The following ANO6 variants were observed in gnomAD, a reference collection of about 807,000 sequenced individuals.
ANO6 encodes the protein anoctamin-6.
Under a neutral mutation model 117.5 loss-of-function variants are expected in ANO6, and 106 were observed. The observed-to-expected ratio is 0.90, with a 90% CI of 0.77 to 1.06. ANO6 has a LOEUF of 1.06. Ranked by LOEUF, ANO6 falls within the 50% of genes least tolerant of loss-of-function variation. The pLI, the probability that ANO6 is intolerant of heterozygous loss-of-function variation, is 0.00. For missense variants in ANO6, 955 were observed against 1,121.1 expected (o/e 0.85, Z 2.12); for synonymous variants, 367 against 385.1 (o/e 0.95, Z 0.55).
At chr12:45,358,929 C>T (rs1179666887) in intron 8 of ANO6, among the ~76,000 whole-genome samples, 1 of 151,920 alleles carries the variant, frequency 6.6e-6, no homozygotes, top group Admixed American at 6.6e-5. Context: ...GGATTACAGG[C>T]TGCGCCACCA....
At position 45,432,068 on chromosome 12, in the gene ANO6, A is replaced by T; in HGVS notation, c.*2757A>T. 3 of 985,422 alleles carry T rather than the reference A, an allele frequency of 3.0e-6. No individual in the cohort carries two copies. Among genetic ancestry groups the T allele is most frequent in the Non-Finnish European group, 3.6e-6 (3 of 829,918 alleles). 61.0% of individuals were successfully genotyped at this position (985,422 alleles called of 1,614,324 possible). ...ATGTGTGCCTTGAATTTCATAAAAC[A>T]TTAATTCACAATGGGGGTCAGAATG... On this transcript the variant is annotated 3_prime_UTR_variant, in exon 20 of 20. Transcript: ENST00000320560.
chr12:45,343,333 C>T (rs1941034594), intron 3 of ANO6, among the ~76,000 whole-genome samples: 1 of 152,128 alleles, frequency 6.6e-6, no homozygotes. Context: ...AGCTAAAATT[C>T]TTGGGCCTGA....
intron 16 of ANO6, among the ~76,000 whole-genome samples, chr12:45,409,945 A>G (rs1458873314): frequency 6.6e-6 from 1 of 152,126 alleles, no homozygotes; most frequent in African/African-American, 2.4e-5. Context: ...TAGTACTGAC[A>G]GGGTTTCACC....
At chr12:45,351,457 G>T (rs745338242) in intron 7 of ANO6, among the ~76,000 whole-genome samples, 1 of 152,154 alleles carries the variant, frequency 6.6e-6, no homozygotes, top group East Asian at 1.9e-4. Flanking sequence ...ATTCTGGCTT[G>T]TGGGAGATAG....
intron 1 of ANO6, among the ~76,000 whole-genome samples, chr12:45,275,602 G>T (rs74600350): frequency 6.6e-6 from 1 of 152,182 alleles, no homozygotes; most frequent in Non-Finnish European, 1.5e-5. Context: ...GTTACGTATG[G>T]TGTCTTTTCC....
intron 1 of ANO6, among the ~76,000 whole-genome samples, chr12:45,258,115 T>C (rs1237565473): frequency 6.6e-6 from 1 of 152,212 alleles, no homozygotes; most frequent in Non-Finnish European, 1.5e-5. Context: ...TACATATTAA[T>C]CAGTCGTGTG....
At chr12:45,231,425 G>A (rs1947572611) in intron 1 of ANO6, among the ~76,000 whole-genome samples, 1 of 152,264 alleles carries the variant, frequency 6.6e-6, no homozygotes, top group South Asian at 2.1e-4. Flanking sequence ...GCCCTCTTCA[G>A]CATTATCAGA....
intron 2 of ANO6, among the ~76,000 whole-genome samples, chr12:45,317,107 T>TTATATGTGTGTGTGTGTGTATATATA (rs1555168436): frequency 8.0e-5 from 1 of 12,466 alleles, no homozygotes; most frequent in African/African-American, 8.9e-5. Flanking sequence ...TGGATTCTTT[T>TTATATGTGTGTGTGTGTGTATATATA]TATATGTATA....
At chr12:45,293,034 G>T in intron 1 of ANO6, 1 of 1,496,310 alleles carries the variant, frequency 6.7e-7, no homozygotes, top group Non-Finnish European at 9.0e-7. Flanking sequence ...AATATTTGAT[G>T]AGTATTTGGT....
intron 1 of ANO6, among the ~76,000 whole-genome samples, chr12:45,285,723 G>A (rs1311629029): frequency 4.8e-5 from 7 of 144,968 alleles, no homozygotes; most frequent in African/African-American, 1.0e-4. Flanking sequence ...ACAAGACTCC[G>A]TCTCAAAAAA....
At chr12:45,388,032 G>A in intron 10 of ANO6, 129 bp from the exon 11 acceptor site, 1 of 1,237,774 alleles carries the variant, frequency 8.1e-7, no homozygotes, top group Non-Finnish European at 1.2e-6. Flanking sequence ...GAATTACCCA[G>A]TCCAGGTAGT....
At chr12:45,255,010 A>C (rs1192071414) in intron 1 of ANO6, among the ~76,000 whole-genome samples, 1 of 152,208 alleles carries the variant, frequency 6.6e-6, no homozygotes, top group Admixed American at 6.5e-5. Context: ...CTTTCCATAT[A>C]TATCTCTTAC....
At chr12:45,438,243 TTGCGTGTATG>T (rs1317480844) in intron 19 of ANO6, among the ~76,000 whole-genome samples, 7 of 138,548 alleles carry the variant, frequency 5.1e-5, no homozygotes, top group Non-Finnish European at 9.5e-5. Flanking sequence ...CAGCACATAT[TTGCGTGTATG>T]TGTGTGTGTG....
intron 2 of ANO6, among the ~76,000 whole-genome samples, chr12:45,323,337 G>A (rs1384485157): frequency 1.3e-5 from 2 of 152,156 alleles, no homozygotes; most frequent in East Asian, 3.8e-4. Context: ...AAGCATGTTA[G>A]AAGCAGCAGG....
chr12:45,297,510 T>C (rs1330338050), intron 1 of ANO6, among the ~76,000 whole-genome samples: 1 of 152,192 alleles, frequency 6.6e-6, no homozygotes, highest in Non-Finnish European at 1.5e-5. Context: ...GGACAATGGA[T>C]GTTAGTTACT....
rs140477077 is a variant in ANO6, at chr12:45,308,805, C to G, written c.150+6712C>G. Among the ~76,000 whole-genome samples, 42 of 152,224 alleles carry G rather than the reference C, an allele frequency of 2.8e-4. No homozygotes were observed. The East Asian group carries it at 8.1e-3, about 29-fold the overall frequency. On this transcript the variant is annotated intron_variant, in intron 2 of 19. Coordinates refer to ENST00000320560, the MANE Select transcript of ANO6 (RefSeq NM_001025356.3). ...CCACACTGCCCTGCTGTGTGGCTTTCTCCAGCATCATTCAGACAGCAAGAA... is the reference window on the plus strand; with the variant it reads ...CCACACTGCCCTGCTGTGTGGCTTTGTCCAGCATCATTCAGACAGCAAGAA...
At chr12:45,306,838 G>T (rs915947536) in intron 2 of ANO6, among the ~76,000 whole-genome samples, 4 of 151,796 alleles carry the variant, frequency 2.6e-5, no homozygotes, top group African/African-American at 9.7e-5. Flanking sequence ...TATGTGTTGG[G>T]GGGGTGGTGA....
rs550556178 is a variant in ANO6, at chr12:45,228,231, A to G, written c.70+11840A>G. On this transcript the variant is annotated intron_variant, in intron 1 of 19. Coordinates refer to ENST00000320560, the MANE Select transcript of ANO6 (RefSeq NM_001025356.3). ...ACTGTAGCATTGACTCCCAGACTCA[A>G]TTGATCCTCTTACCTCAACCTCCTG... 36 of 440,420 alleles carry G rather than the reference A, an allele frequency of 8.2e-5. 1 individual carries two copies. Among genetic ancestry groups the G allele is most frequent in the African/African-American group, 5.7e-4 (27 of 47,002 alleles). 27.3% of individuals were successfully genotyped at this position (440,420 alleles called of 1,614,324 possible). A position where few individuals can be genotyped will look rare whatever the true frequency, so the allele number is the denominator to read the frequency against.
chr12:45,401,765 C>T (rs1942793712), intron 12 of ANO6, 30 bp from the exon 13 acceptor site: 3 of 1,567,756 alleles, frequency 1.9e-6, no homozygotes, highest in South Asian at 2.2e-5. Flanking sequence ...ATTGGTGAGT[C>T]TCATGCTACT....
Sources: gnomAD v4.1 joint callset for allele counts (sites outside exome capture counted in the v4.1 genomes callset) on GRCh38, gnomAD v4.1.1 for gene constraint, MANE v1.5 for transcripts, NCBI Gene and HGNC (gene_info 2026-07-23, HGNC 2026-07-21) for gene names.